NCALD: variants seen among roughly 807,000 people sequenced by gnomAD.
NCALD encodes the protein neurocalcin-delta.
A neutral mutation model predicts 18.6 loss-of-function variants in NCALD; 10 were observed. That is an observed-to-expected ratio of 0.54 (90% CI 0.33 to 0.91). The LOEUF is 0.91. Ranked by LOEUF, NCALD falls within the 40% of genes least tolerant of loss-of-function variation. The probability of loss-of-function intolerance (pLI) is 0.03; values close to 1 mark genes in which losing one functional copy is unlikely to be tolerated. For synonymous variants in NCALD, 88 were observed against 87.4 expected, an observed-to-expected ratio of 1.01 and a Z score of -0.04; for missense variants, 184 against 247.6, an observed-to-expected ratio of 0.74 and a Z score of 1.72.
intron 2 of NCALD, among the ~76,000 whole-genome samples, chr8:101,989,106 C>T (rs1820946406): frequency 6.6e-6 from 1 of 152,086 alleles, no homozygotes; most frequent in Admixed American, 6.6e-5. Context: ...GAATTTGGTG[C>T]TCTACTGGGA....
In NCALD at chr8:102,081,110, G is replaced by A. The variant is rs116342431; in HGVS notation, c.-210+43127C>T. Among the ~76,000 whole-genome samples the A allele has an allele frequency of 3.4e-3, 525 of 152,186 alleles. 5 individuals are homozygous for A. The highest frequency in any genetic ancestry group is 0.012 in the African/African-American group (507 of 41,524). On this transcript the variant is annotated intron_variant, in intron 1 of 6. Coordinates refer to the NCALD transcript ENST00000311028. ...GGCTTTGTATAAGTTCCCCAAGTTC[G>A]AGAACTACTCCCTTAAGAACAGAAG...
At chr8:101,718,615 A>G (rs898557611) in intron 2 of NCALD, among the ~76,000 whole-genome samples, 3 of 152,222 alleles carry the variant, frequency 2.0e-5, no homozygotes, top group Non-Finnish European at 4.4e-5. Flanking sequence ...CGACTGGGCA[A>G]AAGTGTTGAG....
intron 2 of NCALD, among the ~76,000 whole-genome samples, chr8:101,995,362 T>G (rs926468505): frequency 2.1e-4 from 32 of 152,322 alleles, no homozygotes; most frequent in African/African-American, 7.5e-4. Flanking sequence ...TATTCAGCCA[T>G]TCTTGCACTG....
chr8:101,856,353 C>A (rs750387346), intron 4 of NCALD, among the ~76,000 whole-genome samples: 1 of 152,004 alleles, frequency 6.6e-6, no homozygotes, highest in Non-Finnish European at 1.5e-5. Flanking sequence ...TTATATTTTT[C>A]TTTGAGATGA....
At chr8:102,016,338 A>G (rs1055827380) in intron 2 of NCALD, among the ~76,000 whole-genome samples, 1 of 152,202 alleles carries the variant, frequency 6.6e-6, no homozygotes, top group African/African-American at 2.4e-5. Flanking sequence ...CAGAAACATA[A>G]GGCCTACCTA....
In NCALD at chr8:101,854,202, G is replaced by A. The variant is rs532639936; in HGVS notation, c.-20+32939C>T. Among the ~76,000 whole-genome samples, 13 of 152,286 alleles carry A rather than the reference G, an allele frequency of 8.5e-5. No homozygotes were observed. In the East Asian group the frequency reaches 2.5e-3, roughly 29 times the overall value. On this transcript the variant is annotated intron_variant, in intron 4 of 6. Coordinates refer to the NCALD transcript ENST00000311028. ...GTTGTTTGCACTATTGGTAGCAGGT[G>A]CTGCCTGGGGTAGCTCTTATGGTCT...
intron 2 of NCALD, among the ~76,000 whole-genome samples, chr8:101,967,241 G>A (rs745568346): frequency 2.6e-5 from 4 of 152,180 alleles, no homozygotes; most frequent in Admixed American, 1.3e-4. Flanking sequence ...AAACCACAAC[G>A]GAAGTTGCCA....
chr8:101,916,135 G>A (rs968594746), intron 2 of NCALD, among the ~76,000 whole-genome samples: 4 of 152,064 alleles, frequency 2.6e-5, no homozygotes, highest in Non-Finnish European at 5.9e-5. Flanking sequence ...TATCTCCTTG[G>A]AAGAGGATAT....
At chr8:101,788,372 A>G (rs926879068) in intron 1 of NCALD, among the ~76,000 whole-genome samples, 1 of 152,224 alleles carries the variant, frequency 6.6e-6, no homozygotes, top group African/African-American at 2.4e-5. Context: ...GTAGGCCACA[A>G]GCCACAGCAC....
chr8:101,855,744 A>T (rs1202428481), intron 4 of NCALD, among the ~76,000 whole-genome samples: 12 of 152,170 alleles, frequency 7.9e-5, no homozygotes, highest in Non-Finnish European at 8.8e-5. Context: ...ATGAAACATA[A>T]GACATAAATC....
intron 2 of NCALD, among the ~76,000 whole-genome samples, chr8:101,995,161 T>C (rs1821191133): frequency 6.6e-6 from 1 of 152,218 alleles, no homozygotes; most frequent in Non-Finnish European, 1.5e-5. Flanking sequence ...AGGAACTCTG[T>C]CATTATCCTT....
chr8:101,699,418 C>A (rs1054420336), intron 2 of NCALD, among the ~76,000 whole-genome samples: 5 of 152,128 alleles, frequency 3.3e-5, no homozygotes, highest in Admixed American at 3.3e-4. Flanking sequence ...TGGGTATATA[C>A]CCAAAGGAAT....
At chr8:101,948,747 T>C (rs1224640831) in intron 2 of NCALD, among the ~76,000 whole-genome samples, 1 of 152,040 alleles carries the variant, frequency 6.6e-6, no homozygotes, top group East Asian at 1.9e-4. Context: ...AACCCCAGAG[T>C]GCAGGGCGGA....
chr8:102,031,655 T>C (rs1156246353), intron 1 of NCALD, among the ~76,000 whole-genome samples: 1 of 152,110 alleles, frequency 6.6e-6, no homozygotes, highest in Admixed American at 6.5e-5. Context: ...ACGTGAAAAA[T>C]CTGATCGTTT....
intron 2 of NCALD, among the ~76,000 whole-genome samples, chr8:101,984,643 C>T (rs994415276): frequency 6.6e-5 from 10 of 152,194 alleles, no homozygotes; most frequent in African/African-American, 2.2e-4. Context: ...ACATTTGAAA[C>T]TGAAGACAAG....
At chr8:102,051,250 C>T (rs1224368566) in intron 1 of NCALD, among the ~76,000 whole-genome samples, 1 of 152,106 alleles carries the variant, frequency 6.6e-6, no homozygotes, top group African/African-American at 2.4e-5. Flanking sequence ...CGGTGTGACC[C>T]TAAGCAAGTC....
At chr8:101,905,554 C>A (rs1161947802) in intron 3 of NCALD, among the ~76,000 whole-genome samples, 1 of 152,026 alleles carries the variant, frequency 6.6e-6, no homozygotes, top group Non-Finnish European at 1.5e-5. Flanking sequence ...GTCTACAAAC[C>A]ATCCCACACT....
intron 4 of NCALD, among the ~76,000 whole-genome samples, chr8:101,814,258 T>A (rs1016213527): frequency 1.3e-5 from 2 of 152,078 alleles, no homozygotes; most frequent in Admixed American, 6.6e-5. Context: ...AATAAAAAAT[T>A]AGCAAATTGA....
chr8:101,691,538 A>T, intron 3 of NCALD: 1 of 985,306 alleles, frequency 1.0e-6, no homozygotes, highest in Non-Finnish European at 1.2e-6. Flanking sequence ...GCACAAACCC[A>T]TTGTGCTCCC....
Sources: gnomAD v4.1 joint callset for allele counts (sites outside exome capture counted in the v4.1 genomes callset) on GRCh38, gnomAD v4.1.1 for gene constraint, MANE v1.5 for transcripts, NCBI Gene and HGNC (gene_info 2026-07-23, HGNC 2026-07-21) for gene names.